The following GGACT variants were observed in gnomAD, a reference collection of about 807,000 sequenced individuals.
The protein encoded by GGACT is gamma-glutamylamine cyclotransferase, also known as gamma-glutamylaminecyclotransferase.
For synonymous variants in GGACT, 118 were observed against 115.3 expected (o/e 1.02, Z -0.15); for missense variants, 241 against 233.2 (o/e 1.03, Z -0.22).
At chr13:100,566,227 T>G (rs1187859463) in intron 2 of GGACT, among the ~76,000 whole-genome samples, 1 of 152,236 alleles carries the variant, frequency 6.6e-6, no homozygotes, top group East Asian at 1.9e-4. Context: ...GGGATAATTT[T>G]TGTTGTTTTC....
chr13:100,567,182 C>T (rs995734667), intron 2 of GGACT, among the ~76,000 whole-genome samples: 1 of 152,192 alleles, frequency 6.6e-6, no homozygotes, highest in South Asian at 2.1e-4. Context: ...GACTGCCAGG[C>T]TTCTCCACAG....
intron 2 of GGACT, chr13:100,535,719 C>T (rs2088482337): frequency 6.6e-6 from 1 of 152,348 alleles, no homozygotes; most frequent in South Asian, 2.1e-4. Flanking sequence ...TTGGCTAAGA[C>T]ACAGAGCATA....
chr13:100,547,330 C>T (rs1165789703), intron 2 of GGACT, among the ~76,000 whole-genome samples: 1 of 152,228 alleles, frequency 6.6e-6, no homozygotes, highest in Non-Finnish European at 1.5e-5. Flanking sequence ...CTGCCGCAGA[C>T]ACAGGGCCCT....
At chr13:100,582,889 TTTCA>T (rs750677320) in intron 2 of GGACT, among the ~76,000 whole-genome samples, 1 of 152,210 alleles carries the variant, frequency 6.6e-6, no homozygotes, top group Non-Finnish European at 1.5e-5. Context: ...CCAACACCTT[TTTCA>T]TTCATTAACA....
intron 2 of GGACT, among the ~76,000 whole-genome samples, chr13:100,561,979 G>C (rs79822694): frequency 5.7e-4 from 87 of 152,326 alleles, no homozygotes; most frequent in African/African-American, 2.1e-3. Context: ...TCATGCGGCA[G>C]AGTCTGCATG....
chr13:100,548,256 T>C (rs907947411), intron 2 of GGACT, among the ~76,000 whole-genome samples: 1 of 152,262 alleles, frequency 6.6e-6, no homozygotes, highest in Non-Finnish European at 1.5e-5. Context: ...GGGCTAGAAA[T>C]ACTTTGAGTT....
chr13:100,538,824 C>T (rs749657483), intron 2 of GGACT: 1 of 152,204 alleles, frequency 6.6e-6, no homozygotes, highest in Admixed American at 6.5e-5. Flanking sequence ...ATATTGACAT[C>T]TGAACAATAT....
chr13:100,581,284 C>T (rs148027970), intron 2 of GGACT, among the ~76,000 whole-genome samples: 4 of 152,276 alleles, frequency 2.6e-5, no homozygotes, highest in Non-Finnish European at 4.4e-5. Flanking sequence ...CCCAGAGAAA[C>T]GGCTGAACCT....
chr13:100,535,338 C>CT lies in GGACT; in HGVS notation c.-10-2738dup, dbSNP rs559441508. 2.4e-4 allele frequency among the ~76,000 whole-genome samples: 37 copies of CT among 152,364 alleles called. No individual in the cohort carries two copies. The East Asian group carries it at 6.4e-3, about 26-fold the overall frequency. On this transcript the variant is annotated intron_variant, in intron 2 of 2. Transcript: ENST00000683975. Reference sequence around the variant, plus strand: ...TTCAGCATTTATCTCCATATTGTTACTTACGCTGCTACTTCTTGATGTCTT... The same window carrying CT: ...TTCAGCATTTATCTCCATATTGTTACTTTACGCTGCTACTTCTTGATGTCTT...
At chr13:100,575,379 A>C (rs935323217) in intron 2 of GGACT, among the ~76,000 whole-genome samples, 2 of 152,216 alleles carry the variant, frequency 1.3e-5, no homozygotes, top group Non-Finnish European at 2.9e-5. Context: ...CTTTCAACCA[A>C]TAGTGATCAG....
In GGACT at chr13:100,540,319, C is replaced by G; in HGVS notation, c.-10-7718G>C. ...AGATTTTTGACTGCTGCTTCAGTCT[C>G]TTTACTAGTTGTAGGTCTGTTCAGT... On this transcript the variant is annotated intron_variant, in intron 2 of 2. Transcript: ENST00000683975. The G allele has an allele frequency of 5.1e-6, 4 of 785,476 alleles. No individual in the cohort carries two copies. The South Asian group carries it at 5.6e-5, about 11-fold the overall frequency. The allele number at this position is 785,476 out of a possible 1,614,324, so 48.7% of individuals were successfully genotyped here.
At position 100,531,815 on chromosome 13, in the gene GGACT, T is replaced by A; in HGVS notation, c.*315A>T. On this transcript the variant is annotated 3_prime_UTR_variant, in exon 3 of 3. Transcript: ENST00000683975. The stretch of plus-strand genomic sequence containing the variant: ...CTGATCCTAAATATTTATTATTATC[T>A]TGAGCTCAAAGCAGAGCCAACAGCA... The A allele has an allele frequency of 3.6e-6, 1 of 275,058 alleles. No homozygotes were observed. Among genetic ancestry groups the A allele is most frequent in the Admixed American group, 4.8e-5 (1 of 20,684 alleles). 17.0% of individuals were successfully genotyped at this position (275,058 alleles called of 1,614,324 possible). A position where few individuals can be genotyped will look rare whatever the true frequency, so the allele number is the denominator to read the frequency against.
intron 2 of GGACT, among the ~76,000 whole-genome samples, chr13:100,568,360 C>A (rs985676635): frequency 1.3e-5 from 2 of 152,192 alleles, no homozygotes; most frequent in Non-Finnish European, 2.9e-5. Context: ...AACTTACAAC[C>A]ATGGCAGAAG....
At chr13:100,542,728 G>C (rs1434349925) in intron 2 of GGACT, among the ~76,000 whole-genome samples, 1 of 152,128 alleles carries the variant, frequency 6.6e-6, no homozygotes, top group Non-Finnish European at 1.5e-5. Context: ...CGGCATCCAG[G>C]GGACAGCATG....
rs2088362555 is a variant in GGACT, at chr13:100,530,997, T to C, written c.*1133A>G. On this transcript the variant is annotated 3_prime_UTR_variant, in exon 3 of 3. Coordinates refer to ENST00000683975, the MANE Select transcript of GGACT (RefSeq NM_001195087.2). Reference sequence around the variant, plus strand: ...ATTAAGCAAAAGAAGCTAAAAATAATGATCATGTTTTTGTGCCAGATGCAG... The same window carrying C: ...ATTAAGCAAAAGAAGCTAAAAATAACGATCATGTTTTTGTGCCAGATGCAG... The C allele has an allele frequency of 6.6e-6, 1 of 152,272 alleles. No homozygotes were observed. The highest frequency in any genetic ancestry group is 2.4e-5 in the African/African-American group (1 of 41,448). 9.4% of individuals were successfully genotyped at this position (152,272 alleles called of 1,614,324 possible).
At chr13:100,544,002 C>T (rs2088580379) in intron 2 of GGACT, among the ~76,000 whole-genome samples, 1 of 152,218 alleles carries the variant, frequency 6.6e-6, no homozygotes, top group Non-Finnish European at 1.5e-5. Flanking sequence ...CTTCTGTGAC[C>T]ACCAGCAGCC....
rs1408046418 is a variant in GGACT at position 100,540,062 on chromosome 13, C to A, written c.-10-7461G>T. The A allele has an allele frequency of 4.6e-6, 6 of 1,314,770 alleles. No individual in the cohort carries two copies. In the Admixed American group the frequency reaches 8.4e-5, roughly 18 times the overall value. 81.4% of individuals were successfully genotyped at this position (1,314,770 alleles called of 1,614,324 possible). The stretch of plus-strand genomic sequence containing the variant: ...AGCTTCACATACAGCTTGGGAAGCA[C>A]ATAGGCATCGAAGACGCTCGCTTCA... On this transcript the variant is annotated intron_variant, in intron 2 of 2. Transcript: ENST00000683975.
chr13:100,576,598 A>G (rs1875253493), intron 2 of GGACT, among the ~76,000 whole-genome samples: 1 of 152,260 alleles, frequency 6.6e-6, no homozygotes, highest in Non-Finnish European at 1.5e-5. Flanking sequence ...GACGATGGCG[A>G]TAAGAAAGGA....
chr13:100,552,223 T>C (rs993374396), intron 2 of GGACT, among the ~76,000 whole-genome samples: 13 of 152,174 alleles, frequency 8.5e-5, no homozygotes, highest in African/African-American at 2.9e-4. Flanking sequence ...TGTTCTCTCC[T>C]GGGGAAATGA....
Sources: allele counts gnomAD v4.1 joint callset (sites outside exome capture counted in the v4.1 genomes callset), GRCh38; gene constraint gnomAD v4.1.1; transcripts MANE v1.5; gene names NCBI Gene and HGNC (gene_info 2026-07-23, HGNC 2026-07-21).